SIRPA: variants seen among roughly 807,000 people sequenced by gnomAD.
The protein encoded by SIRPA is tyrosine-protein phosphatase non-receptor type substrate 1.
Under a neutral mutation model 50.3 loss-of-function variants are expected in SIRPA, and 9 were observed. That is an observed-to-expected ratio of 0.18 (90% CI 0.11 to 0.31). The LOEUF (loss-of-function observed/expected upper bound fraction) is 0.31, where lower values mean the gene tolerates loss of function less well. Among genes scored for constraint, SIRPA ranks in the 10% least tolerant of loss-of-function variants. SIRPA has a pLI of 1.00. For missense variants in SIRPA, 474 were observed against 661.6 expected (o/e 0.72, Z 3.11); for synonymous variants, 265 against 284.1 (o/e 0.93, Z 0.68).
intron 1 of SIRPA, among the ~76,000 whole-genome samples, chr20:1,910,689 A>C (rs901061785): frequency 6.6e-6 from 1 of 152,210 alleles, no homozygotes; most frequent in Non-Finnish European, 1.5e-5. Context: ...CAGGTTTTTT[A>C]AAAAACAAAA....
At chr20:1,899,532 C>G (rs932443725) in intron 1 of SIRPA, among the ~76,000 whole-genome samples, 10 of 152,200 alleles carry the variant, frequency 6.6e-5, no homozygotes, top group African/African-American at 2.4e-4. Flanking sequence ...TTCTACAGAT[C>G]CATGCCCTCA....
In SIRPA at chr20:1,924,843, G is replaced by A. The variant is rs771855996; in HGVS notation, c.1167G>A (p.Ala389=). Residue 389 remains alanine (A), a synonymous_variant, in exon 5 of 8, where the codon GCG becomes GCA. Transcript: ENST00000358771. This position sits in a 1 kb window ranked among gnomAD's most constrained non-coding sequence, Gnocchi z 4.5. ...CCTTGCTGGTGGCCCTACTGATGGC[G>A]GCCCTCTACCTCGTCCGAATCAGAC... ...VCTLLVALLM[A]ALYLVRIRQK... 18 of 1,614,024 alleles carry A rather than the reference G, an allele frequency of 1.1e-5. 1 individual carries two copies. The highest frequency in any genetic ancestry group is 1.1e-4 in the East Asian group (5 of 44,892).
intron 1 of SIRPA, among the ~76,000 whole-genome samples, chr20:1,903,233 G>A (rs1370472057): frequency 6.6e-6 from 1 of 152,090 alleles, no homozygotes; most frequent in Non-Finnish European, 1.5e-5. Context: ...GCAGGATCTG[G>A]CTCATTGAGC....
chr20:1,934,888 T>C lies in SIRPA; in HGVS notation c.1266+134T>C. On this transcript the variant is annotated intron_variant, in intron 7 of 7. Coordinates refer to ENST00000358771, the MANE Select transcript of SIRPA (RefSeq NM_001040023.2). The surrounding 1 kb of genome is among the most constrained non-coding windows in gnomAD (Gnocchi z 4.6). ...GGGTGGAGGATCTTACACTCCTAGC[T>C]TTCCCCATGTCCTGTGCATATTCCT... The C allele has an allele frequency of 3.2e-6, 3 of 939,962 alleles. No homozygotes were observed. Among genetic ancestry groups the C allele is most frequent in the Non-Finnish European group, 5.1e-6 (3 of 589,630 alleles). 58.2% of individuals were successfully genotyped at this position (939,962 alleles called of 1,614,324 possible).
intron 1 of SIRPA, among the ~76,000 whole-genome samples, chr20:1,912,770 AAG>A (rs1472387832): frequency 1.3e-5 from 2 of 152,244 alleles, no homozygotes; most frequent in Non-Finnish European, 2.9e-5. Flanking sequence ...AGAGGTGGCT[AAG>A]AGGGGAGCCA....
At chr20:1,895,252 T>TG, upstream of SIRPA, 1 of 372,230 alleles carries the variant, frequency 2.7e-6, no homozygotes. Flanking sequence ...CCATTTCTCC[T>TG]GGGGGGCGGG....
At chr20:1,925,132 A>G (rs111818250) in intron 5 of SIRPA, among the ~76,000 whole-genome samples, 6 of 152,248 alleles carry the variant, frequency 3.9e-5, no homozygotes, top group African/African-American at 1.2e-4. Flanking sequence ...ACTACTGAGC[A>G]AGGGAGCTGC....
intron 1 of SIRPA, among the ~76,000 whole-genome samples, chr20:1,902,841 A>G (rs903686516): frequency 3.3e-5 from 5 of 152,048 alleles, no homozygotes; most frequent in African/African-American, 9.7e-5. Context: ...GCGAAATCCC[A>G]TCTCCACTAA....
intron 1 of SIRPA, among the ~76,000 whole-genome samples, chr20:1,903,313 G>A (rs1051097593): frequency 6.6e-6 from 1 of 152,194 alleles, no homozygotes; most frequent in South Asian, 2.1e-4. Context: ...CTCACCACGG[G>A]TTCTGTAAGA....
chr20:1,909,052 G>A (rs1001407141), intron 1 of SIRPA, among the ~76,000 whole-genome samples: 1 of 152,192 alleles, frequency 6.6e-6, no homozygotes. Context: ...CTATAAGTGC[G>A]GGGTGGAAAA....
In SIRPA at chr20:1,934,880, C is replaced by G; in HGVS notation, c.1266+126C>G. 9.8e-7 allele frequency: 1 copy of G among 1,022,598 alleles called. No individual in the cohort carries two copies. Among genetic ancestry groups the G allele is most frequent in the South Asian group, 1.4e-5 (1 of 73,836 alleles). The allele number at this position is 1,022,598 out of a possible 1,614,324, so 63.3% of individuals were successfully genotyped here. ...GGGGTGGAGGGTGGAGGATCTTACACTCCTAGCTTTCCCCATGTCCTGTGC... is the reference window on the plus strand; with the variant it reads ...GGGGTGGAGGGTGGAGGATCTTACAGTCCTAGCTTTCCCCATGTCCTGTGC... On this transcript the variant is annotated intron_variant, in intron 7 of 7. Transcript: ENST00000358771. The surrounding 1 kb of genome is among the most constrained non-coding windows in gnomAD (Gnocchi z 4.6).
chr20:1,909,929 A>T lies in SIRPA; in HGVS notation c.80-5170A>T, dbSNP rs536432662. 8.5e-5 allele frequency among the ~76,000 whole-genome samples: 13 copies of T among 152,284 alleles called. No homozygotes were observed. The South Asian group carries it at 2.1e-3, about 24-fold the overall frequency. ...TCCCAGTGGTCAGTTCTCAGCCCCC[A>T]TCTTATTGCATCTCTCAGTGGCATT... On this transcript the variant is annotated intron_variant, in intron 1 of 7. Coordinates refer to ENST00000358771, the MANE Select transcript of SIRPA (RefSeq NM_001040023.2).
rs1600470582 is a variant in SIRPA, at chr20:1,937,834, C to T, written c.*266C>T. The T allele has an allele frequency of 1.9e-6, 1 of 530,062 alleles. No homozygotes were observed. Among genetic ancestry groups the T allele is most frequent in the South Asian group, 2.5e-5 (1 of 39,300 alleles). The allele number at this position is 530,062 out of a possible 1,614,324, so 32.8% of individuals were successfully genotyped here. On this transcript the variant is annotated 3_prime_UTR_variant, in exon 8 of 8. Coordinates refer to ENST00000358771, the MANE Select transcript of SIRPA (RefSeq NM_001040023.2). The surrounding 1 kb of genome is among the most constrained non-coding windows in gnomAD (Gnocchi z 8.3). Reference sequence around the variant, plus strand: ...CCAGGGAACCAACCTGGGAAGTGGCCAGAACTGCCTGGGGTCCAAGAACTC... The same window carrying T: ...CCAGGGAACCAACCTGGGAAGTGGCTAGAACTGCCTGGGGTCCAAGAACTC...
chr20:1,922,450 A>G lies in SIRPA; in HGVS notation c.892A>G (p.Thr298Ala). Reference protein sequence around the residue: ...LENGNVSRTETASTVTENKDG... With the variant: ...LENGNVSRTEAASTVTENKDG... The stretch of plus-strand genomic sequence containing the variant: ...GAATGGAAACGTGTCCCGGACAGAA[A>G]CGGCCTCAACCGTTACAGAGAACAA... The change falls in exon 4 of 8, where the codon ACG becomes GCG. Residue 298 changes from threonine (T) to alanine (A), a missense_variant. Transcript: ENST00000358771. 1 of 1,614,256 alleles carries G rather than the reference A, an allele frequency of 6.2e-7. No individual in the cohort carries two copies. The highest frequency in any genetic ancestry group is 8.5e-7 in the Non-Finnish European group (1 of 1,180,058).
At chr20:1,911,092 A>G (rs1379655182) in intron 1 of SIRPA, among the ~76,000 whole-genome samples, 1 of 152,212 alleles carries the variant, frequency 6.6e-6, no homozygotes, top group Non-Finnish European at 1.5e-5. Flanking sequence ...CTTGTAACAC[A>G]TTTCCATTGT....
At chr20:1,907,774 A>G (rs762576937) in intron 1 of SIRPA, among the ~76,000 whole-genome samples, 2 of 152,252 alleles carry the variant, frequency 1.3e-5, no homozygotes, top group Non-Finnish European at 2.9e-5. Context: ...AGGGCCTGGC[A>G]GCAGAGTGAG....
intron 1 of SIRPA, among the ~76,000 whole-genome samples, chr20:1,904,545 A>T (rs1271426446): frequency 3.9e-5 from 6 of 152,158 alleles, no homozygotes; most frequent in Admixed American, 1.3e-4. Flanking sequence ...GTCCTCCGTG[A>T]AATGGGGGTG....
chr20:1,920,930 C>G (rs911611956), intron 2 of SIRPA, among the ~76,000 whole-genome samples: 1 of 152,244 alleles, frequency 6.6e-6, no homozygotes, highest in Non-Finnish European at 1.5e-5. Flanking sequence ...TGCCAGGCCG[C>G]CCCTCTCATG....
At chr20:1,899,427 C>T (rs971152536) in intron 1 of SIRPA, among the ~76,000 whole-genome samples, 8 of 152,194 alleles carry the variant, frequency 5.3e-5, no homozygotes, top group Admixed American at 1.3e-4. Flanking sequence ...AGCTGGGTCA[C>T]ATTTACTCCA....
Sources: allele counts gnomAD v4.1 joint callset (sites outside exome capture counted in the v4.1 genomes callset), GRCh38; gene constraint gnomAD v4.1.1; non-coding constraint Gnocchi (gnomAD v3.1); transcripts MANE v1.5; gene names NCBI Gene and HGNC (gene_info 2026-07-23, HGNC 2026-07-21).